The following PHLPP1 variants were observed in gnomAD, a reference collection of about 807,000 sequenced individuals.
The protein encoded by PHLPP1 is PH domain and leucine rich repeat protein phosphatase 1.
A neutral mutation model predicts 117.2 loss-of-function variants in PHLPP1; 42 were observed. The observed-to-expected ratio is 0.36, with a 90% confidence interval of 0.28 to 0.46. The LOEUF (loss-of-function observed/expected upper bound fraction) is 0.46. Ranked by LOEUF, PHLPP1 falls within the 20% of genes least tolerant of loss-of-function variation. The pLI is 1.00. For synonymous variants in PHLPP1, 1,042 were observed against 970.7 expected (o/e 1.07, Z -1.37); for missense variants, 2,084 against 2,241.9 (o/e 0.93, Z 1.42).
intron 10 of PHLPP1, among the ~76,000 whole-genome samples, chr18:62,935,253 T>G (rs899564516): frequency 6.6e-6 from 1 of 152,168 alleles, no homozygotes; most frequent in African/African-American, 2.4e-5. Flanking sequence ...TTGGAAGACA[T>G]ATTATATTGG....
intron 1 of PHLPP1, among the ~76,000 whole-genome samples, chr18:62,761,545 A>G (rs1010969332): frequency 3.9e-5 from 6 of 152,104 alleles, no homozygotes; most frequent in African/African-American, 1.4e-4. Context: ...AGGCATGAGA[A>G]TGGCGTGAAC....
chr18:62,930,609 TA>T (rs1287478214), intron 10 of PHLPP1, among the ~76,000 whole-genome samples: 3 of 152,162 alleles, frequency 2.0e-5, no homozygotes, highest in Non-Finnish European at 4.4e-5. Flanking sequence ...ACAGTAAAAG[TA>T]GGGGATTTCA....
intron 1 of PHLPP1, among the ~76,000 whole-genome samples, chr18:62,772,336 T>G (rs1385869599): frequency 6.6e-6 from 1 of 152,150 alleles, no homozygotes; most frequent in Non-Finnish European, 1.5e-5. Flanking sequence ...TTTTCTGTTC[T>G]GTTTTCTTTA....
At chr18:62,912,277 A>C (rs1292562110) in intron 8 of PHLPP1, among the ~76,000 whole-genome samples, 5 of 149,568 alleles carry the variant, frequency 3.3e-5, no homozygotes, top group South Asian at 2.1e-4. Context: ...CAATGTGCAC[A>C]TGTACCCTAA....
At chr18:62,925,317 C>T (rs950979063) in intron 10 of PHLPP1, among the ~76,000 whole-genome samples, 3 of 152,130 alleles carry the variant, frequency 2.0e-5, no homozygotes. Flanking sequence ...AAAATGGACC[C>T]TTTAAAGGGG....
intron 1 of PHLPP1, among the ~76,000 whole-genome samples, chr18:62,804,091 G>A (rs1196120693): frequency 6.6e-6 from 1 of 152,100 alleles, no homozygotes; most frequent in African/African-American, 2.4e-5. Context: ...AGGACCTCAG[G>A]AAACTTAACA....
intron 3 of PHLPP1, chr18:62,839,804 A>T (rs1915008314): frequency 6.8e-6 from 1 of 146,560 alleles, no homozygotes; most frequent in South Asian, 2.1e-4. Context: ...TATAATATCT[A>T]GTGCTTTTGT....
Position 62,979,672 on chromosome 18 carries a change from A to C in PHLPP1, c.*241A>C. The C allele has an allele frequency of 3.7e-6, 2 of 541,816 alleles. No individual in the cohort carries two copies. The highest frequency in any genetic ancestry group is 6.5e-6 in the Non-Finnish European group (2 of 306,014). The allele number at this position is 541,816 out of a possible 1,614,324, so 33.6% of individuals were successfully genotyped here. The stretch of plus-strand genomic sequence containing the variant: ...ATTTGTTAACTTCTCCCCCTAACAT[A>C]TCAGATATGTAAAGACAAAGAACAA... On this transcript the variant is annotated 3_prime_UTR_variant, in exon 17 of 17. Coordinates refer to ENST00000262719, the MANE Select transcript of PHLPP1 (RefSeq NM_194449.4).
intron 1 of PHLPP1, among the ~76,000 whole-genome samples, chr18:62,819,503 A>G (rs1364515025): frequency 6.6e-6 from 1 of 152,210 alleles, no homozygotes. Flanking sequence ...AAAGAATAAT[A>G]TGGTCAATTT....
intron 2 of PHLPP1, among the ~76,000 whole-genome samples, chr18:62,830,487 C>T (rs1914728395): frequency 3.3e-5 from 5 of 152,138 alleles, no homozygotes; most frequent in Admixed American, 3.3e-4. Flanking sequence ...CCTCGGCCTC[C>T]CAAAGTGCTG....
intron 1 of PHLPP1, among the ~76,000 whole-genome samples, chr18:62,817,259 A>G (rs1452425223): frequency 6.6e-6 from 1 of 152,198 alleles, no homozygotes; most frequent in Non-Finnish European, 1.5e-5. Flanking sequence ...GAACTCAACT[A>G]ACACAGAAAT....
In PHLPP1 at chr18:62,860,523, C is replaced by T. The variant is rs756229770; in HGVS notation, c.1988C>T (p.Thr663Ile). 6 of 1,613,726 alleles carry T rather than the reference C, an allele frequency of 3.7e-6. No individual in the cohort carries two copies. Among genetic ancestry groups the T allele is most frequent in the Non-Finnish European group, 5.1e-6 (6 of 1,179,806 alleles). ...AACCTCTTCTACAGCCAAGACCTCACTCATCTCAATTTAAAACAAAACTTC... is the reference window on the plus strand; with the variant it reads ...AACCTCTTCTACAGCCAAGACCTCATTCATCTCAATTTAAAACAAAACTTC... ...PANLFYSQDL[T>I]HLNLKQNFLR... is the part of the protein sequence containing the mutation. The change falls in exon 4 of 17, where the codon ACT becomes ATT. Residue 663 changes from threonine (T) to isoleucine (I), a missense_variant. Thr to Ile is a moderately conservative substitution (Grantham distance 89). Transcript: ENST00000262719.
chr18:62,749,752 C>T (rs1395931482), intron 1 of PHLPP1, among the ~76,000 whole-genome samples: 2 of 152,206 alleles, frequency 1.3e-5, no homozygotes, highest in Non-Finnish European at 2.9e-5. Context: ...GGCGCGGTGG[C>T]TCATGCCTGT....
At chr18:62,858,697 G>A (rs1280149173) in intron 3 of PHLPP1, among the ~76,000 whole-genome samples, 1 of 152,156 alleles carries the variant, frequency 6.6e-6, no homozygotes, top group Non-Finnish European at 1.5e-5. Context: ...TTGGGAGGCT[G>A]ACGTGAGAGG....
chr18:62,921,081 A>G (rs1317327113), intron 10 of PHLPP1, among the ~76,000 whole-genome samples: 2 of 152,192 alleles, frequency 1.3e-5, no homozygotes, highest in African/African-American at 2.4e-5. Flanking sequence ...TTCTTTAAAG[A>G]AAGCTTTAAG....
intron 14 of PHLPP1, among the ~76,000 whole-genome samples, chr18:62,970,931 A>G (rs1284309173): frequency 6.6e-6 from 1 of 152,184 alleles, no homozygotes; most frequent in African/African-American, 2.4e-5. Context: ...TGCTGGTGGT[A>G]AATGCTTTTA....
intron 1 of PHLPP1, among the ~76,000 whole-genome samples, chr18:62,718,464 C>A (rs1045500262): frequency 7.2e-5 from 11 of 152,146 alleles, no homozygotes; most frequent in African/African-American, 2.7e-4. Flanking sequence ...TTGAAATATG[C>A]AAGACTGACA....
At chr18:62,925,145 A>G (rs1225432592) in intron 10 of PHLPP1, among the ~76,000 whole-genome samples, 6 of 152,136 alleles carry the variant, frequency 3.9e-5, no homozygotes, top group African/African-American at 9.7e-5. Flanking sequence ...GACATTCTCC[A>G]TGGGTCACCG....
intron 1 of PHLPP1, among the ~76,000 whole-genome samples, chr18:62,739,811 G>C (rs918204368): frequency 6.6e-6 from 1 of 152,148 alleles, no homozygotes; most frequent in African/African-American, 2.4e-5. Flanking sequence ...ATTGGCCTCA[G>C]TTTTCTTAGT....
Sources: allele counts gnomAD v4.1 joint callset (sites outside exome capture counted in the v4.1 genomes callset), GRCh38; gene constraint gnomAD v4.1.1; transcripts MANE v1.5; gene names NCBI Gene and HGNC (gene_info 2026-07-23, HGNC 2026-07-21).